CSTPP1: variants seen among roughly 807,000 people sequenced by gnomAD.
CSTPP1 encodes UPF0705 protein C11orf49.
chr11:47,162,194 T>C, the CSTPP1 span: 1 of 985,564 alleles, frequency 1.0e-6, no homozygotes, highest in Non-Finnish European at 1.2e-6. Context: ...CCCCTTTGTG[T>C]CTAATAGCTA....
At chr11:47,103,059 G>A in the CSTPP1 span, among the ~76,000 whole-genome samples, 1 of 151,228 alleles carries the variant, frequency 6.6e-6, no homozygotes, top group Admixed American at 6.6e-5. Flanking sequence ...AGAGAGTGTG[G>A]CCCCAAAGGC....
At chr11:47,059,068 C>T in the CSTPP1 span, among the ~76,000 whole-genome samples, 1 of 152,184 alleles carries the variant, frequency 6.6e-6, no homozygotes, top group Admixed American at 6.5e-5. Flanking sequence ...TGGAAGCCAT[C>T]ATCCTCAGCA....
At chr11:47,131,331 G>A in the CSTPP1 span, among the ~76,000 whole-genome samples, 4 of 152,164 alleles carry the variant, frequency 2.6e-5, no homozygotes, top group Non-Finnish European at 4.4e-5. Context: ...GACACGCATG[G>A]TGGTCTGCAA....
At chr11:47,042,351 T>G in the CSTPP1 span, among the ~76,000 whole-genome samples, 11,733 of 151,394 alleles carry the variant, frequency 0.077, 470 homozygotes, top group Non-Finnish European at 0.089. Flanking sequence ...TTCTGTTTTT[T>G]TTTTTTTTTT....
the CSTPP1 span, among the ~76,000 whole-genome samples, chr11:46,969,351 A>G: frequency 2.6e-5 from 4 of 152,232 alleles, no homozygotes; most frequent in East Asian, 1.9e-4. Flanking sequence ...GCAGTTTTAT[A>G]TAACAGAAGA....
the CSTPP1 span, among the ~76,000 whole-genome samples, chr11:47,039,661 A>AC: frequency 7.9e-6 from 1 of 126,942 alleles, no homozygotes; most frequent in Non-Finnish European, 1.9e-5. Context: ...ACATGATGAA[A>AC]CCCCGTCTCT....
At chr11:47,011,218 C>A in the CSTPP1 span, among the ~76,000 whole-genome samples, 315 of 152,174 alleles carry the variant, frequency 2.1e-3, 1 homozygote, top group African/African-American at 7.3e-3. Flanking sequence ...TGTGAATTAT[C>A]CATTTAAAAT....
the CSTPP1 span, among the ~76,000 whole-genome samples, chr11:47,129,951 A>G: frequency 6.6e-6 from 1 of 152,214 alleles, no homozygotes; most frequent in African/African-American, 2.4e-5. Flanking sequence ...TGGCTTAGTC[A>G]TAATAAAATA....
At chr11:47,154,025 C>T in the CSTPP1 span, among the ~76,000 whole-genome samples, 21 of 152,122 alleles carry the variant, frequency 1.4e-4, no homozygotes, top group African/African-American at 4.6e-4. Context: ...CTGCAACCTC[C>T]GCCTCCCAGG....
chr11:46,973,611 A>G, the CSTPP1 span, among the ~76,000 whole-genome samples: 1 of 152,216 alleles, frequency 6.6e-6, no homozygotes, highest in Non-Finnish European at 1.5e-5. Flanking sequence ...TAAATAAAGG[A>G]TATCTCAACT....
the CSTPP1 span, among the ~76,000 whole-genome samples, chr11:47,021,042 CAG>C: frequency 6.6e-6 from 1 of 152,178 alleles, no homozygotes; most frequent in African/African-American, 2.4e-5. Flanking sequence ...TAAAATAAGA[CAG>C]AAAGGATTAC....
the CSTPP1 span, among the ~76,000 whole-genome samples, chr11:47,099,509 G>A: frequency 3.9e-5 from 6 of 152,214 alleles, no homozygotes; most frequent in East Asian, 1.2e-3. Context: ...AACCTCTTTG[G>A]GAAGTTCTTT....
At chr11:47,157,574 G>A in the CSTPP1 span, among the ~76,000 whole-genome samples, 1 of 152,122 alleles carries the variant, frequency 6.6e-6, no homozygotes, top group Admixed American at 6.5e-5. Flanking sequence ...TAGGGACTGA[G>A]CAACAGGTTT....
At chr11:46,973,581 C>A in the CSTPP1 span, among the ~76,000 whole-genome samples, 1 of 152,306 alleles carries the variant, frequency 6.6e-6, no homozygotes, top group East Asian at 1.9e-4. Context: ...ACTGAAGGAA[C>A]TCCTTTTTAT....
the CSTPP1 span, among the ~76,000 whole-genome samples, chr11:46,938,372 A>G: frequency 6.7e-6 from 1 of 148,890 alleles, no homozygotes; most frequent in Non-Finnish European, 1.5e-5. Flanking sequence ...ATATTATTAT[A>G]GATACATATT....
the CSTPP1 span, among the ~76,000 whole-genome samples, chr11:46,966,203 C>A: frequency 1.3e-5 from 2 of 152,072 alleles, no homozygotes; most frequent in Admixed American, 1.3e-4. Flanking sequence ...CCACCATGCC[C>A]AGCTAATTTT....
At chr11:47,135,343 T>A in the CSTPP1 span, among the ~76,000 whole-genome samples, 11 of 152,152 alleles carry the variant, frequency 7.2e-5, no homozygotes, top group African/African-American at 2.2e-4. Flanking sequence ...GATGAGAAAC[T>A]GAGACTTAGA....
the CSTPP1 span, among the ~76,000 whole-genome samples, chr11:46,944,503 G>A: frequency 6.6e-6 from 1 of 152,196 alleles, no homozygotes. Context: ...GGGGAGGGGA[G>A]GGTAATTGAC....
At chr11:47,138,291 T>C in the CSTPP1 span, among the ~76,000 whole-genome samples, 1 of 152,126 alleles carries the variant, frequency 6.6e-6, no homozygotes, top group African/African-American at 2.4e-5. Context: ...TCACTCACTA[T>C]CACAAGAACA....
Sources: gnomAD v4.1 joint callset for allele counts (sites outside exome capture counted in the v4.1 genomes callset) on GRCh38, gnomAD v4.1.1 for gene constraint, MANE v1.5 for transcripts, NCBI Gene and HGNC (gene_info 2026-07-23, HGNC 2026-07-21) for gene names.